The following LRRC2 variants were observed in gnomAD, a reference collection of about 807,000 sequenced individuals.
The protein encoded by LRRC2 is leucine-rich repeat-containing protein 2.
In LRRC2, 27 loss-of-function variants were observed where a neutral mutation model predicts 40.2. The observed-to-expected ratio is 0.67, with a 90% CI of 0.49 to 0.93. LRRC2 has a LOEUF of 0.93. Among genes scored for constraint, LRRC2 ranks in the 40% least tolerant of loss-of-function variants. The probability of loss-of-function intolerance (pLI) is 0.00; values close to 1 mark genes in which losing one functional copy is unlikely to be tolerated. For synonymous variants in LRRC2, 147 were observed against 158.9 expected, an observed-to-expected ratio of 0.92 and a Z score of 0.56; for missense variants, 402 against 439.6, an observed-to-expected ratio of 0.91 and a Z score of 0.76.
intron 7 of LRRC2, among the ~76,000 whole-genome samples, chr3:46,522,302 G>T (rs922702070): frequency 2.6e-5 from 4 of 151,802 alleles, no homozygotes; most frequent in African/African-American, 9.7e-5. Flanking sequence ...TTGAACCCAG[G>T]AGGCAGAGGT....
At position 46,515,891 on chromosome 3, in the gene LRRC2, GTAAC is replaced by G. The variant is rs1277739724; in HGVS notation, c.*3119_*3122del. The G allele has an allele frequency of 4.7e-5, 7 of 147,880 alleles. No homozygotes were observed. The highest frequency in any genetic ancestry group is 2.2e-4 in the South Asian group (1 of 4,630). The allele number at this position is 147,880 out of a possible 1,614,324, so 9.2% of individuals were successfully genotyped here. On this transcript the variant is annotated 3_prime_UTR_variant, in exon 9 of 9. Transcript: ENST00000395905. ...TTTTTAGTGTTAAAAAGAAAAAAATGTAACTATTTAAGATTCAACGAAGGTGATT... is the reference window on the plus strand; with the variant it reads ...TTTTTAGTGTTAAAAAGAAAAAAATGTATTTAAGATTCAACGAAGGTGATT...
At chr3:46,535,319 G>A (rs898331926) in intron 4 of LRRC2, among the ~76,000 whole-genome samples, 1 of 152,210 alleles carries the variant, frequency 6.6e-6, no homozygotes, top group African/African-American at 2.4e-5. Flanking sequence ...TCTCAGCCAT[G>A]TGAGAAGGGA....
chr3:46,541,243 G>C (rs550558190), intron 3 of LRRC2, among the ~76,000 whole-genome samples: 7 of 150,626 alleles, frequency 4.6e-5, no homozygotes, highest in Non-Finnish European at 1.0e-4. Flanking sequence ...TGAGGCAGGA[G>C]AATGGTGTGA....
intron 7 of LRRC2, among the ~76,000 whole-genome samples, chr3:46,525,040 C>A (rs2106981760): frequency 6.6e-6 from 1 of 150,720 alleles, no homozygotes; most frequent in Middle Eastern, 3.4e-3. Context: ...AGCATTGCAT[C>A]ATTTTGAGGT....
At chr3:46,522,760 A>AACAC (rs71098411) in intron 7 of LRRC2, among the ~76,000 whole-genome samples, 11,526 of 143,138 alleles carry the variant, frequency 0.081, 598 homozygotes, top group Non-Finnish European at 0.1. Flanking sequence ...AACTACTGCT[A>AACAC]ACACACACAC....
chr3:46,540,134 T>C, intron 3 of LRRC2, among the ~76,000 whole-genome samples: 1 of 152,232 alleles, frequency 6.6e-6, no homozygotes, highest in East Asian at 1.9e-4. Flanking sequence ...GTACTTGTAA[T>C]GTGCTTTACA....
rs901355241 is a variant in LRRC2 at position 46,521,734 on chromosome 3, C to A, written c.930-76G>T. On this transcript the variant is annotated intron_variant, in intron 7 of 8. Transcript: ENST00000395905. ...CTGCAAAATTCCTCACATAAAATAA[C>A]CTCTGTTATCCCAAGTTCTGGCTTA... The A allele has an allele frequency of 2.8e-6, 4 of 1,416,434 alleles. No individual in the cohort carries two copies. The African/African-American group carries it at 4.3e-5, about 15-fold the overall frequency. The allele number at this position is 1,416,434 out of a possible 1,614,324, so 87.7% of individuals were successfully genotyped here. A position where few individuals can be genotyped will look rare whatever the true frequency, so the allele number is the denominator to read the frequency against.
intron 4 of LRRC2, among the ~76,000 whole-genome samples, chr3:46,534,421 TTC>T (rs1704230858): frequency 2.6e-5 from 3 of 116,668 alleles, no homozygotes; most frequent in Admixed American, 7.7e-5. Flanking sequence ...TTTTCCTTCC[TTC>T]CTTTCTTTCT....
intron 1 of LRRC2, among the ~76,000 whole-genome samples, chr3:46,561,562 T>C (rs2107062856): frequency 1.3e-5 from 2 of 151,880 alleles, no homozygotes; most frequent in East Asian, 3.9e-4. Flanking sequence ...GGGGAGAGGT[T>C]GGCAGGGGAA....
At chr3:46,537,357 C>T (rs538071003) in intron 4 of LRRC2, among the ~76,000 whole-genome samples, 1 of 152,306 alleles carries the variant, frequency 6.6e-6, no homozygotes, top group East Asian at 1.9e-4. Context: ...GCCTCAGCCT[C>T]CCAAAGTGCT....
chr3:46,543,802 C>T (rs1575354678), intron 3 of LRRC2, among the ~76,000 whole-genome samples: 1 of 152,072 alleles, frequency 6.6e-6, no homozygotes, highest in African/African-American at 2.4e-5. Flanking sequence ...ATTAACAATC[C>T]AGACATGCCT....
At chr3:46,523,101 A>G (rs1029973243) in intron 7 of LRRC2, among the ~76,000 whole-genome samples, 4 of 152,130 alleles carry the variant, frequency 2.6e-5, no homozygotes, top group African/African-American at 9.7e-5. Context: ...ACATGGAGAG[A>G]GTTTAAAAGT....
intron 1 of LRRC2, chr3:46,559,446 G>A (rs1704887685): frequency 1.3e-5 from 2 of 152,234 alleles, no homozygotes; most frequent in African/African-American, 4.8e-5. Flanking sequence ...CCTACACACA[G>A]GGCTCGTGTT....
chr3:46,525,149 C>T (rs1403607358), intron 7 of LRRC2, among the ~76,000 whole-genome samples: 1 of 143,088 alleles, frequency 7.0e-6, no homozygotes, highest in African/African-American at 2.6e-5. Flanking sequence ...TGCAGTGGTA[C>T]ACAATCATGG....
chr3:46,543,290 T>A (rs1170618705), intron 3 of LRRC2, among the ~76,000 whole-genome samples: 1 of 152,138 alleles, frequency 6.6e-6, no homozygotes, highest in East Asian at 1.9e-4. Context: ...TCTAACCATC[T>A]TCCCATTCCC....
At chr3:46,533,807 C>CTTTCTTTCTTTCTTTCTTTCTTTG (rs1704210609) in intron 4 of LRRC2, among the ~76,000 whole-genome samples, 1 of 134,404 alleles carries the variant, frequency 7.4e-6, no homozygotes, top group Middle Eastern at 3.8e-3. Flanking sequence ...TTGTTTCTTT[C>CTTTCTTTCTTTCTTTCTTTCTTTG]TTTCTTTCTT....
chr3:46,532,634 TA>T, intron 5 of LRRC2, 138 bp downstream of exon 5: 1 of 947,134 alleles, frequency 1.1e-6, no homozygotes, highest in East Asian at 2.6e-5. Flanking sequence ...AAGACCAGTA[TA>T]CGGTGATTGA....
intron 1 of LRRC2, among the ~76,000 whole-genome samples, chr3:46,565,440 A>T (rs1705037135): frequency 6.6e-6 from 1 of 152,242 alleles, no homozygotes; most frequent in Non-Finnish European, 1.5e-5. Flanking sequence ...CATTTAAAGA[A>T]AAAAGAAAGG....
At chr3:46,529,609 C>T (rs1186250352) in intron 6 of LRRC2, among the ~76,000 whole-genome samples, 2 of 152,092 alleles carry the variant, frequency 1.3e-5, no homozygotes, top group Admixed American at 6.5e-5. Context: ...TTAACTTTTC[C>T]ACTTCTGTAG....
Sources: gnomAD v4.1 joint callset for allele counts (sites outside exome capture counted in the v4.1 genomes callset) on GRCh38, gnomAD v4.1.1 for gene constraint, MANE v1.5 for transcripts, NCBI Gene and HGNC (gene_info 2026-07-23, HGNC 2026-07-21) for gene names.